The following PLCD1 variants were observed in gnomAD, a reference collection of about 807,000 sequenced individuals.
The protein encoded by PLCD1 is phospholipase C delta 1.
In PLCD1, 71 loss-of-function variants were observed where a neutral mutation model predicts 87.4. The ratio of observed to expected loss-of-function variants is 0.81; its 90% CI spans 0.67 to 0.99. The LOEUF (loss-of-function observed/expected upper bound fraction) is 0.99, where lower values mean the gene tolerates loss of function less well. Among genes scored for constraint, PLCD1 ranks in the 50% least tolerant of loss-of-function variants. The pLI is 0.00. For synonymous variants in PLCD1, 348 were observed against 399.2 expected, an observed-to-expected ratio of 0.87 and a Z score of 1.53; for missense variants, 867 against 1,001.5, an observed-to-expected ratio of 0.87 and a Z score of 1.81.
Position 38,009,959 on chromosome 3 carries a change from G to A in PLCD1, c.1232C>T (p.Pro411Leu), listed in dbSNP as rs761398859. The A allele has an allele frequency of 2.5e-6, 4 of 1,613,730 alleles. No homozygotes were observed. Among genetic ancestry groups the A allele is most frequent in the Admixed American group, 1.7e-5 (1 of 60,012 alleles). ...ATCCAGTGGTCGGTTCAACAGCATG[G>A]GGCCCAGGATGGCATGCAGGTGCCG... ...MARHLHAILG[P>L]MLLNRPLDGV... is the part of the protein sequence containing the mutation. Residue 411 changes from proline (P) to leucine (L), a missense_variant, in exon 8 of 15, where the codon CCC (proline) becomes CTC (leucine). Pro to Leu is a moderately conservative substitution (Grantham distance 98). Coordinates refer to ENST00000334661, the MANE Select transcript of PLCD1 (RefSeq NM_006225.4).
At chr3:38,024,745 A>C in intron 1 of PLCD1, 7 of 1,363,320 alleles carry the variant, frequency 5.1e-6, no homozygotes, top group Non-Finnish European at 5.8e-6. Flanking sequence ...GGCAAAGTAA[A>C]TGAGTGGGGG....
At position 38,025,889 on chromosome 3, in the gene PLCD1, G is replaced by A. The variant is rs934164208; in HGVS notation, c.34+3617C>T. Among the ~76,000 whole-genome samples the A allele has an allele frequency of 2.6e-5, 4 of 152,198 alleles. No individual in the cohort carries two copies. Among genetic ancestry groups the A allele is most frequent in the African/African-American group, 9.7e-5 (4 of 41,444 alleles). On this transcript the variant is annotated intron_variant, in intron 1 of 14. Coordinates refer to ENST00000334661, the MANE Select transcript of PLCD1 (RefSeq NM_006225.4). The surrounding 1 kb of genome is among the most constrained non-coding windows in gnomAD (Gnocchi z 4.0). ...CACTGCAGCTCCAGTCACCAGCATTGACAGTGAGTCACTGGCAAAGCCAGT... is the reference window on the plus strand; with the variant it reads ...CACTGCAGCTCCAGTCACCAGCATTAACAGTGAGTCACTGGCAAAGCCAGT...
rs1417254220 is a variant in PLCD1 at position 38,025,762 on chromosome 3, C to T, written c.34+3744G>A. Among the ~76,000 whole-genome samples the T allele has an allele frequency of 1.3e-5, 2 of 152,142 alleles. No homozygotes were observed. Among genetic ancestry groups the T allele is most frequent in the Non-Finnish European group, 2.9e-5 (2 of 68,028 alleles). Reference sequence around the variant, plus strand: ...ACATCACAACTTCCCTTTCATTCACCCAGTAATTATTTATTGAGCCCCTAC... The same window carrying T: ...ACATCACAACTTCCCTTTCATTCACTCAGTAATTATTTATTGAGCCCCTAC... On this transcript the variant is annotated intron_variant, in intron 1 of 14. Coordinates refer to ENST00000334661, the MANE Select transcript of PLCD1 (RefSeq NM_006225.4). This position sits in a 1 kb window ranked among gnomAD's most constrained non-coding sequence, Gnocchi z 4.0.
intron 2 of PLCD1, among the ~76,000 whole-genome samples, chr3:38,016,934 A>T (rs1251588507): frequency 6.6e-6 from 1 of 152,122 alleles, no homozygotes; most frequent in Non-Finnish European, 1.5e-5. Flanking sequence ...ACTGAGGGGG[A>T]GACAGAGCAT....
intron 14 of PLCD1, 67 bp downstream of exon 14, chr3:38,007,947 C>G: frequency 6.2e-7 from 1 of 1,608,864 alleles, no homozygotes; most frequent in Non-Finnish European, 8.5e-7. Context: ...GGACAGCCAG[C>G]CCCAGCCCAA....
Position 38,017,702 on chromosome 3 carries a change from G to A in PLCD1, c.200-983C>T, listed in dbSNP as rs1700178755. The stretch of plus-strand genomic sequence containing the variant: ...TGAGCCATCCTCATCCATCTGTCCT[G>A]GCTCCTAGACGGTTCTAGCTGAAGT... On this transcript the variant is annotated intron_variant, in intron 2 of 14. Coordinates refer to ENST00000334661, the MANE Select transcript of PLCD1 (RefSeq NM_006225.4). The surrounding 1 kb of genome is among the most constrained non-coding windows in gnomAD (Gnocchi z 4.7). Among the ~76,000 whole-genome samples the A allele has an allele frequency of 6.6e-6, 1 of 152,168 alleles. No individual in the cohort carries two copies. Among genetic ancestry groups the A allele is most frequent in the South Asian group, 2.1e-4 (1 of 4,834 alleles).
intron 5 of PLCD1, 145 bp from the exon 6 acceptor site, chr3:38,010,707 G>T: frequency 1.5e-6 from 1 of 678,602 alleles, no homozygotes; most frequent in Non-Finnish European, 2.5e-6. Context: ...ATTAGGATAA[G>T]TCTGAGGCTC....
In PLCD1 at chr3:38,008,476, C is replaced by A; in HGVS notation, c.1884G>T (p.Arg628=). 2 of 1,614,228 alleles carry A rather than the reference C, an allele frequency of 1.2e-6. No homozygotes were observed. Among genetic ancestry groups the A allele is most frequent in the Non-Finnish European group, 1.7e-6 (2 of 1,180,022 alleles). ...AGCGTACCCTGATGTTGAGCCGCTT[C>A]CGTGCCCACCAGGGCCCCTGAGCCA... ...RALAQGPWWA[R]KRLNIRVISG... The change falls in exon 12 of 15, where the codon CGG becomes CGT. Residue 628 remains arginine (R), a synonymous_variant. Coordinates refer to ENST00000334661, the MANE Select transcript of PLCD1 (RefSeq NM_006225.4).
At chr3:38,012,454 T>C (rs1700094428) in intron 3 of PLCD1, among the ~76,000 whole-genome samples, 1 of 152,106 alleles carries the variant, frequency 6.6e-6, no homozygotes, top group Non-Finnish European at 1.5e-5. Context: ...GTCATAATTA[T>C]TCTTTTCCAC....
In PLCD1 at chr3:38,010,655, G is replaced by A. The variant is rs538704115; in HGVS notation, c.791-93C>T. 91 of 1,003,372 alleles carry A rather than the reference G, an allele frequency of 9.1e-5. 1 individual carries two copies. Among genetic ancestry groups the A allele is most frequent in the South Asian group, 9.0e-4 (60 of 66,356 alleles). The allele number at this position is 1,003,372 out of a possible 1,614,324, so 62.2% of individuals were successfully genotyped here. A position where few individuals can be genotyped will look rare whatever the true frequency, so the allele number is the denominator to read the frequency against. On this transcript the variant is annotated intron_variant, in intron 5 of 14. Transcript: ENST00000334661. ...CTGGACAGAGGAGCCCTCTGAACCC[G>A]CTTGCCTGCCTGTCCTGAGCCAGTC...
At chr3:38,013,236 G>A (rs1198287411) in intron 3 of PLCD1, among the ~76,000 whole-genome samples, 7 of 138,912 alleles carry the variant, frequency 5.0e-5, no homozygotes, top group East Asian at 2.1e-4. Context: ...TTCCTGAGAC[G>A]GAGTCTAGCT....
chr3:38,009,494 G>T (rs934381690), intron 9 of PLCD1, 63 bp from the exon 10 acceptor site: 64 of 1,591,722 alleles, frequency 4.0e-5, no homozygotes, highest in Middle Eastern at 1.7e-4. Context: ...CACTGAGAAA[G>T]CCAGAAACCC....
At chr3:38,008,205 C>T (rs772883934) in intron 13 of PLCD1, 30 bp downstream of exon 13, 1 of 1,613,690 alleles carries the variant, frequency 6.2e-7, no homozygotes, top group East Asian at 2.2e-5. Flanking sequence ...GACACCAGCC[C>T]TAGTAGCCCA....
At chr3:38,023,563 C>G (rs1700264686) in intron 1 of PLCD1, among the ~76,000 whole-genome samples, 1 of 152,150 alleles carries the variant, frequency 6.6e-6, no homozygotes, top group South Asian at 2.1e-4. Flanking sequence ...AGTCAGGACT[C>G]AGAAGCAGGT....
intron 10 of PLCD1, 22 bp downstream of exon 10, chr3:38,009,250 G>A: frequency 6.2e-7 from 1 of 1,614,002 alleles, no homozygotes. Flanking sequence ...GAGCAGGGGA[G>A]TGGTGGGGAG....
intron 3 of PLCD1, among the ~76,000 whole-genome samples, chr3:38,014,923 C>G (rs2125546909): frequency 6.6e-6 from 1 of 152,300 alleles, no homozygotes; most frequent in South Asian, 2.1e-4. Context: ...TGAGATACCA[C>G]TTCATACCCA....
At position 38,011,646 on chromosome 3, in the gene PLCD1, A is replaced by G; in HGVS notation, c.456T>C (p.Ala152=). 2 of 1,614,192 alleles carry G rather than the reference A, an allele frequency of 1.2e-6. No individual in the cohort carries two copies. The highest frequency in any genetic ancestry group is 1.7e-6 in the Non-Finnish European group (2 of 1,180,022). The change falls in exon 4 of 15, where the codon GCT becomes GCC. Residue 152 remains alanine (A), a synonymous_variant. Transcript: ENST00000334661. ...QHWIHSCLRK[A]DKNKDNKMSF... is the part of the protein sequence containing the mutation. ...TCATCTTGTTGTCCTTGTTTTTGTC[A>G]GCTTTTCGCAAGCAGGAGTGAATCC...
In PLCD1 at chr3:38,020,218, T is replaced by G; in HGVS notation, c.169A>C (p.Lys57Gln). ...TGGGACTCCGGGGTCCGCATGACCT[T>G]GCGGGACTCCTGCCAGATGGTCTTG... Reference protein sequence around the residue: ...DCKTIWQESRKVMRTPESQLF... With the variant: ...DCKTIWQESRQVMRTPESQLF... The change falls in exon 2 of 15, where the codon AAG (lysine) becomes CAG (glutamine). Residue 57 changes from lysine (K) to glutamine (Q), a missense_variant. Coordinates refer to ENST00000334661, the MANE Select transcript of PLCD1 (RefSeq NM_006225.4). The G allele has an allele frequency of 6.2e-7, 1 of 1,614,102 alleles. No homozygotes were observed. Among genetic ancestry groups the G allele is most frequent in the African/African-American group, 1.3e-5 (1 of 75,038 alleles).
chr3:38,008,053 T>C lies in PLCD1; in HGVS notation c.2146A>G (p.Ile716Val), dbSNP rs769611330. ...TTCAAGGGGATGGTACTCTGGCCAA[T>C]GAAGTCATTCTTGGAGGAGGCATCA... ...DYDASSKNDFIGQSTIPLNSL... is the reference protein window; with the variant it reads ...DYDASSKNDFVGQSTIPLNSL... Residue 716 changes from isoleucine to valine, a missense_variant, in exon 14 of 15, where the codon ATT becomes GTT. Physicochemically the swap from Ile to Val is conservative, Grantham distance 29. Transcript: ENST00000334661. 7.4e-6 allele frequency: 12 copies of C among 1,614,032 alleles called. No homozygotes were observed. Among genetic ancestry groups the C allele is most frequent in the Non-Finnish European group, 9.3e-6 (11 of 1,180,028 alleles).
Sources: gnomAD v4.1 joint callset for allele counts (sites outside exome capture counted in the v4.1 genomes callset) on GRCh38, gnomAD v4.1.1 for gene constraint, Gnocchi (gnomAD v3.1) non-coding constraint, MANE v1.5 for transcripts, NCBI Gene and HGNC (gene_info 2026-07-23, HGNC 2026-07-21) for gene names.